Variants in PTPRD observed in about 807,000 individuals in gnomAD.
PTPRD encodes the protein protein tyrosine phosphatase receptor type D.
PTPRD carries 34 observed loss-of-function variants against 214.5 expected under a neutral mutation model. That is an observed-to-expected ratio of 0.16 (90% CI 0.12 to 0.21). The LOEUF (loss-of-function observed/expected upper bound fraction) is 0.21. PTPRD is among the 10% of genes least tolerant of loss of function. The pLI, the probability that PTPRD is intolerant of heterozygous loss-of-function variation, is 1.00. For synonymous variants in PTPRD, 1,128 were observed against 845.7 expected, an observed-to-expected ratio of 1.33 and a Z score of -5.79; for missense variants, 2,545 against 2,398.7, an observed-to-expected ratio of 1.06 and a Z score of -1.27.
chr9:9,692,157 G>T (rs1413629122), intron 7 of PTPRD, among the ~76,000 whole-genome samples: 1 of 152,086 alleles, frequency 6.6e-6, no homozygotes, highest in East Asian at 1.9e-4. Context: ...TTTTTGCTTT[G>T]GTTGCCTATG....
intron 3 of PTPRD, among the ~76,000 whole-genome samples, chr9:10,063,866 T>G (rs12238670): frequency 0.024 from 3,641 of 151,894 alleles, 131 homozygotes; most frequent in East Asian, 0.12. Context: ...CACCTCAGAA[T>G]CTCTAGCTCC....
At chr9:9,913,983 C>A (rs1280658708) in intron 5 of PTPRD, among the ~76,000 whole-genome samples, 2 of 152,148 alleles carry the variant, frequency 1.3e-5, no homozygotes, top group Admixed American at 1.3e-4. Flanking sequence ...TGCTACAACC[C>A]CAGCTATGTG....
intron 5 of PTPRD, among the ~76,000 whole-genome samples, chr9:9,830,969 G>A (rs1000180007): frequency 7.9e-5 from 12 of 151,794 alleles, no homozygotes; most frequent in Non-Finnish European, 1.2e-4. Context: ...GGATTTGTTA[G>A]CTGACTGCAT....
At chr9:8,753,961 G>A (rs1199716317) in intron 11 of PTPRD, among the ~76,000 whole-genome samples, 9 of 151,958 alleles carry the variant, frequency 5.9e-5, no homozygotes, top group East Asian at 1.9e-4. Flanking sequence ...CCAAGCCAAC[G>A]TGGAGAAACC....
At chr9:8,885,051 G>A (rs1226526577) in intron 11 of PTPRD, among the ~76,000 whole-genome samples, 2 of 152,202 alleles carry the variant, frequency 1.3e-5, no homozygotes, top group African/African-American at 4.8e-5. Flanking sequence ...CTATGATAGT[G>A]CAAGTGAAGT....
chr9:8,781,090 C>A (rs969743275), intron 11 of PTPRD, among the ~76,000 whole-genome samples: 9 of 152,114 alleles, frequency 5.9e-5, no homozygotes, highest in Non-Finnish European at 1.0e-4. Flanking sequence ...TTTCACCAAC[C>A]ACTTTTTTTT....
intron 11 of PTPRD, among the ~76,000 whole-genome samples, chr9:8,849,546 C>T (rs2097772727): frequency 6.6e-6 from 1 of 152,046 alleles, no homozygotes; most frequent in African/African-American, 2.4e-5. Flanking sequence ...TAGTTCAACT[C>T]AATTCAACGA....
At chr9:10,197,191 C>T (rs1055629338) in intron 3 of PTPRD, among the ~76,000 whole-genome samples, 3 of 152,080 alleles carry the variant, frequency 2.0e-5, no homozygotes, top group African/African-American at 7.2e-5. Context: ...CCCACCACTC[C>T]CTTTTGGCTC....
intron 4 of PTPRD, among the ~76,000 whole-genome samples, chr9:10,004,485 T>A (rs995551143): frequency 1.5e-4 from 23 of 152,048 alleles, no homozygotes; most frequent in African/African-American, 5.1e-4. Context: ...CACATAAAAA[T>A]ATGCAATCAT....
intron 9 of PTPRD, among the ~76,000 whole-genome samples, chr9:9,323,524 C>A (rs1206066032): frequency 6.6e-6 from 1 of 152,078 alleles, no homozygotes; most frequent in East Asian, 1.9e-4. Flanking sequence ...AGTCTATTTT[C>A]TAAGAATTTT....
chr9:10,605,949 G>C (rs1259837334), intron 2 of PTPRD, among the ~76,000 whole-genome samples: 2 of 151,756 alleles, frequency 1.3e-5, no homozygotes, highest in Non-Finnish European at 2.9e-5. Context: ...TTACAAGCTT[G>C]AAAATAGAAG....
intron 8 of PTPRD, among the ~76,000 whole-genome samples, chr9:9,548,888 G>A (rs1310134814): frequency 6.6e-6 from 1 of 152,010 alleles, no homozygotes; most frequent in Non-Finnish European, 1.5e-5. Context: ...AATACGAAAG[G>A]AAGAAATAGA....
chr9:8,593,341 G>C (rs1016780946), intron 14 of PTPRD, among the ~76,000 whole-genome samples: 1 of 152,172 alleles, frequency 6.6e-6, no homozygotes, highest in Admixed American at 6.5e-5. Context: ...GGACCATTCA[G>C]TTTTAATGCC....
chr9:10,422,983 C>T (rs1470010221), intron 2 of PTPRD, among the ~76,000 whole-genome samples: 1 of 152,066 alleles, frequency 6.6e-6, no homozygotes, highest in Non-Finnish European at 1.5e-5. Flanking sequence ...ATAAATCATG[C>T]CACTATAAAG....
chr9:9,681,600 T>C (rs966529486), intron 7 of PTPRD, among the ~76,000 whole-genome samples: 1 of 151,760 alleles, frequency 6.6e-6, no homozygotes, highest in African/African-American at 2.4e-5. Flanking sequence ...GATATCTCTT[T>C]TAATCAGGCC....
intron 4 of PTPRD, among the ~76,000 whole-genome samples, chr9:10,017,033 G>C (rs1425453429): frequency 6.6e-6 from 1 of 152,118 alleles, no homozygotes; most frequent in Non-Finnish European, 1.5e-5. Context: ...AACACCTTTA[G>C]TCTCATAAGA....
chr9:9,114,808 C>T (rs1462489207), intron 10 of PTPRD, among the ~76,000 whole-genome samples: 1 of 152,030 alleles, frequency 6.6e-6, no homozygotes, highest in Admixed American at 6.6e-5. Flanking sequence ...AGTTCGTATG[C>T]ATCTATGGGC....
chr9:9,181,698 C>A (rs1486859532), intron 10 of PTPRD, among the ~76,000 whole-genome samples: 1 of 151,900 alleles, frequency 6.6e-6, no homozygotes, highest in Non-Finnish European at 1.5e-5. Context: ...ACAATCCAGG[C>A]AAATGTAAGT....
At chr9:8,812,185 A>C (rs913706071) in intron 11 of PTPRD, among the ~76,000 whole-genome samples, 13 of 152,218 alleles carry the variant, frequency 8.5e-5, no homozygotes, top group African/African-American at 2.7e-4. Flanking sequence ...CATTCTTTAA[A>C]AAAGTGAAGG....
Sources: gnomAD v4.1 joint callset for allele counts (sites outside exome capture counted in the v4.1 genomes callset) on GRCh38, gnomAD v4.1.1 for gene constraint, MANE v1.5 for transcripts, NCBI Gene and HGNC (gene_info 2026-07-23, HGNC 2026-07-21) for gene names.